Variants in NSD3 observed in about 807,000 individuals in gnomAD.
NSD3 encodes the protein nuclear receptor binding SET domain protein 3, also known as histone-lysine N-methyltransferase NSD3.
A neutral mutation model predicts 160.8 loss-of-function variants in NSD3; 24 were observed. The observed-to-expected ratio is 0.15, with a 90% CI of 0.11 to 0.21. The LOEUF is 0.21. Among genes scored for constraint, NSD3 ranks in the 10% least tolerant of loss-of-function variants. NSD3 has a pLI of 1.00. For synonymous variants in NSD3, 520 were observed against 600.0 expected, an observed-to-expected ratio of 0.87 and a Z score of 1.95; for missense variants, 1,157 against 1,735.9, an observed-to-expected ratio of 0.67 and a Z score of 5.93.
chr8:38,318,077 AAT>A lies in NSD3; in HGVS notation c.1855+816_1855+817del. On this transcript the variant is annotated intron_variant, in intron 9 of 23. Coordinates refer to ENST00000317025, the MANE Select transcript of NSD3 (RefSeq NM_023034.2). This position sits in a 1 kb window ranked among gnomAD's most constrained non-coding sequence, Gnocchi z 5.3. ...GAAACACAACGCAATCAGGCCTCCT[AAT>A]CTCGCAGCGATCGCGATGTCTTTTC... 6.2e-7 allele frequency: 1 copy of A among 1,612,706 alleles called. No homozygotes were observed. Among genetic ancestry groups the A allele is most frequent in the Non-Finnish European group, 8.5e-7 (1 of 1,179,274 alleles).
In NSD3 at chr8:38,289,484, CGTTTT is replaced by C; in HGVS notation, c.3135_3139del (p.Lys1046PhefsTer11). 1 of 1,613,356 alleles carries C rather than the reference CGTTTT, an allele frequency of 6.2e-7. No homozygotes were observed. Among genetic ancestry groups the C allele is most frequent in the Non-Finnish European group, 8.5e-7 (1 of 1,179,802 alleles). ...TCTTTGTGCTTTCAATTCCTGGAAA[CGTTTT>C]GCAGCTTCTTCCAGTGCTGCCAATA... On this transcript the variant is annotated frameshift_variant, in exon 18 of 24. Coordinates refer to ENST00000317025, the MANE Select transcript of NSD3 (RefSeq NM_023034.2). LOFTEE classifies it high-confidence loss of function.
At position 38,316,343 on chromosome 8, in the gene NSD3, T is replaced by C. The variant is rs1809663035; in HGVS notation, c.1856-301A>G. 9.2e-7 allele frequency: 1 copy of C among 1,088,652 alleles called. No homozygotes were observed. Among genetic ancestry groups the C allele is most frequent in the Non-Finnish European group, 1.1e-6 (1 of 884,072 alleles). The allele number at this position is 1,088,652 out of a possible 1,614,324, so 67.4% of individuals were successfully genotyped here. A position where few individuals can be genotyped will look rare whatever the true frequency, so the allele number is the denominator to read the frequency against. On this transcript the variant is annotated intron_variant, in intron 9 of 23. Transcript: ENST00000317025. The surrounding 1 kb of genome is among the most constrained non-coding windows in gnomAD (Gnocchi z 4.5). ...AATCAATTCTATGAAAATTGCAGGATAGCTGATGGATTTGGAGCAATTCAA... is the reference window on the plus strand; with the variant it reads ...AATCAATTCTATGAAAATTGCAGGACAGCTGATGGATTTGGAGCAATTCAA...
intron 16 of NSD3, among the ~76,000 whole-genome samples, chr8:38,293,530 C>T (rs1809058176): frequency 6.6e-6 from 1 of 151,666 alleles, no homozygotes; most frequent in Non-Finnish European, 1.5e-5. Context: ...AGCCTGGCAA[C>T]AGAGCGAGAC....
At chr8:38,307,125 AAAAT>A (rs1180361942) in intron 12 of NSD3, among the ~76,000 whole-genome samples, 6 of 146,332 alleles carry the variant, frequency 4.1e-5, no homozygotes, top group East Asian at 2.0e-4. Context: ...AAAAAAAAAA[AAAAT>A]AAAATAAAAT....
chr8:38,368,102 C>T (rs1282147328), intron 1 of NSD3, among the ~76,000 whole-genome samples: 1 of 152,158 alleles, frequency 6.6e-6, no homozygotes, highest in Admixed American at 6.5e-5. Flanking sequence ...GCCTCAGCTT[C>T]CCAAGTAGCT....
At chr8:38,302,698 T>C (rs1280530593) in intron 14 of NSD3, among the ~76,000 whole-genome samples, 1 of 152,194 alleles carries the variant, frequency 6.6e-6, no homozygotes, top group Non-Finnish European at 1.5e-5. Flanking sequence ...CTATATTTTG[T>C]TTCACAACTC....
At chr8:38,351,762 A>G (rs1178580676) in intron 1 of NSD3, among the ~76,000 whole-genome samples, 1 of 152,036 alleles carries the variant, frequency 6.6e-6, no homozygotes, top group Non-Finnish European at 1.5e-5. Flanking sequence ...TCAGCAAACT[A>G]TCGCAAGGAC....
intron 12 of NSD3, among the ~76,000 whole-genome samples, chr8:38,307,305 A>G (rs1439029261): frequency 1.3e-5 from 2 of 151,982 alleles, no homozygotes; most frequent in African/African-American, 4.8e-5. Context: ...GTGCCCCAGA[A>G]TCCAGAGTAA....
chr8:38,306,412 C>T (rs990394934), intron 12 of NSD3, among the ~76,000 whole-genome samples: 2 of 151,854 alleles, frequency 1.3e-5, no homozygotes, highest in African/African-American at 4.8e-5. Flanking sequence ...AATTGGAAAT[C>T]TTTCAACAAA....
intron 2 of NSD3, among the ~76,000 whole-genome samples, chr8:38,342,328 GA>G (rs1585904600): frequency 6.6e-6 from 1 of 152,172 alleles, no homozygotes; most frequent in East Asian, 1.9e-4. Context: ...TAGGGACAGA[GA>G]TACCCTCTTT....
Position 38,315,413 on chromosome 8 carries a change from T to C in NSD3, c.2115+3A>G. ...CAAGCCATAGCACCAGTTACCTGCC[T>C]ACCTGACATACAGTGTCCTTCTTAC... is the stretch of plus-strand genomic sequence containing the variant. On this transcript the variant is annotated splice_donor_region_variant and intron_variant, in intron 11 of 23. Transcript: ENST00000317025. The C allele has an allele frequency of 6.4e-7, 1 of 1,561,896 alleles. No homozygotes were observed. The highest frequency in any genetic ancestry group is 2.3e-5 in the East Asian group (1 of 43,662).
chr8:38,298,353 GA>G (rs1305527101), intron 15 of NSD3, among the ~76,000 whole-genome samples: 1 of 152,120 alleles, frequency 6.6e-6, no homozygotes, highest in Non-Finnish European at 1.5e-5. Flanking sequence ...TCTGACTGCA[GA>G]AAACAGACAA....
At position 38,299,509 on chromosome 8, in the gene NSD3, C is replaced by A. The variant is rs373265367; in HGVS notation, c.2693G>T (p.Arg898Leu). 6.2e-7 allele frequency: 1 copy of A among 1,613,662 alleles called. No homozygotes were observed. The highest frequency in any genetic ancestry group is 1.7e-5 in the Admixed American group (1 of 59,972). ...CATAGGTAATTTCATCAACTCAGCA[C>A]GATTTGATTCATTCAGTAGGTAGTG... ...KSHYLLNESNRAELMKLPMIP... is the reference protein window; with the variant it reads ...KSHYLLNESNLAELMKLPMIP... The change falls in exon 15 of 24, where the codon CGT (arginine) becomes CTT (leucine). Residue 898 changes from arginine to leucine, a missense_variant. Arg to Leu is a moderately radical substitution (Grantham distance 102, BLOSUM62 -2). Around this residue, in one of 10 missense-constraint regions of NSD3, gnomAD observed 437 missense variants for 576.6 expected, o/e 0.76. Coordinates refer to ENST00000317025, the MANE Select transcript of NSD3 (RefSeq NM_023034.2).
At chr8:38,289,911 C>G (rs1018261793) in intron 17 of NSD3, among the ~76,000 whole-genome samples, 3 of 152,162 alleles carry the variant, frequency 2.0e-5, no homozygotes, top group Non-Finnish European at 2.9e-5. Flanking sequence ...AGGAACTTCA[C>G]TTGATTAAAA....
In NSD3 at chr8:38,329,569, G is replaced by T. The variant is rs776275146; in HGVS notation, c.1390C>A (p.Pro464Thr). 1.2e-6 allele frequency: 2 copies of T among 1,614,186 alleles called. No individual in the cohort carries two copies. Among genetic ancestry groups the T allele is most frequent in the South Asian group, 2.2e-5 (2 of 91,084 alleles). ...GTTTTCCAGGCTATTTTAACAGGCGGTGGCTCTTCCTCTTCCGCACTTGTG... is the reference window on the plus strand; with the variant it reads ...GTTTTCCAGGCTATTTTAACAGGCGTTGGCTCTTCCTCTTCCGCACTTGTG... ...RHTSAEEEEPPPVKIAWKTAA... is the reference protein window; with the variant it reads ...RHTSAEEEEPTPVKIAWKTAA... Residue 464 changes from proline to threonine, a missense_variant, in exon 6 of 24, where the codon CCG becomes ACG. Physicochemically the swap from Pro to Thr is conservative, Grantham distance 38. This residue lies in a region of NSD3 where 168 missense variants were observed against 208.1 expected (regional missense o/e 0.81). Coordinates refer to ENST00000317025, the MANE Select transcript of NSD3 (RefSeq NM_023034.2). This position sits in a 1 kb window ranked among gnomAD's most constrained non-coding sequence, Gnocchi z 4.8.
At chr8:38,279,333 T>A (rs1362872421) in intron 21 of NSD3, among the ~76,000 whole-genome samples, 2 of 152,236 alleles carry the variant, frequency 1.3e-5, no homozygotes, top group African/African-American at 4.8e-5. Flanking sequence ...AATTCCCTTT[T>A]GAGGTTATAG....
At chr8:38,324,763 C>A (rs192285995) in intron 7 of NSD3, among the ~76,000 whole-genome samples, 19 of 152,164 alleles carry the variant, frequency 1.2e-4, no homozygotes, top group Non-Finnish European at 2.4e-4. Context: ...TAAGCTCCAC[C>A]CCCCCATCCT....
chr8:38,370,439 A>C (rs1811216801), intron 1 of NSD3, among the ~76,000 whole-genome samples: 1 of 151,194 alleles, frequency 6.6e-6, no homozygotes. Flanking sequence ...CAGGAGAATA[A>C]TTTTATAATT....
At chr8:38,290,194 C>T (rs1279134184) in intron 17 of NSD3, among the ~76,000 whole-genome samples, 2 of 147,794 alleles carry the variant, frequency 1.4e-5, no homozygotes, top group African/African-American at 5.0e-5. Context: ...CTAGCCTGGG[C>T]AAGAGTGAGA....
Sources: allele counts gnomAD v4.1 joint callset (sites outside exome capture counted in the v4.1 genomes callset), GRCh38; gene constraint gnomAD v4.1.1; regional missense constraint gnomAD v4.1.1; non-coding constraint Gnocchi (gnomAD v3.1); transcripts MANE v1.5; gene names NCBI Gene and HGNC (gene_info 2026-07-23, HGNC 2026-07-21).